Variants in CTNND2 observed in about 807,000 individuals in gnomAD.
CTNND2 encodes catenin delta 2, also known as catenin delta-2.
Under a neutral mutation model 144.4 loss-of-function variants are expected in CTNND2, and 22 were observed. The ratio of observed to expected loss-of-function variants is 0.15; its 90% confidence interval spans 0.11 to 0.22. The LOEUF (loss-of-function observed/expected upper bound fraction) is 0.22. Among genes scored for constraint, CTNND2 ranks in the 10% least tolerant of loss-of-function variants. The pLI is 1.00. For missense variants in CTNND2, 1,353 were observed against 1,618.8 expected, an observed-to-expected ratio of 0.84 and a Z score of 2.82; for synonymous variants, 751 against 695.6, an observed-to-expected ratio of 1.08 and a Z score of -1.25.
At chr5:11,789,236 T>A (rs1226993585) in intron 1 of CTNND2, among the ~76,000 whole-genome samples, 1 of 152,320 alleles carries the variant, frequency 6.6e-6, no homozygotes, top group Middle Eastern at 3.4e-3. Flanking sequence ...TCCTGGATTA[T>A]TTTGTTCACT....
At chr5:11,269,068 C>A (rs1392988854) in intron 9 of CTNND2, among the ~76,000 whole-genome samples, 1 of 152,210 alleles carries the variant, frequency 6.6e-6, no homozygotes, top group Non-Finnish European at 1.5e-5. Context: ...CTGGAGGCTA[C>A]CTGCCTTGGC....
At chr5:11,278,118 T>A (rs431325) in intron 9 of CTNND2, among the ~76,000 whole-genome samples, 46,309 of 151,788 alleles carry the variant, frequency 0.31, 7,111 homozygotes, top group Middle Eastern at 0.38. Flanking sequence ...TTATAAACTC[T>A]GTTCTCCTCG....
chr5:11,736,292 C>A (rs1313187551), intron 1 of CTNND2, among the ~76,000 whole-genome samples: 1 of 152,200 alleles, frequency 6.6e-6, no homozygotes, highest in Non-Finnish European at 1.5e-5. Flanking sequence ...CAAGTGTGAC[C>A]CACACAGTAT....
rs539450273 is a variant in CTNND2, at chr5:11,336,855, C to A, written c.1628+9517G>T. Reference sequence around the variant, plus strand: ...TCATAATCTATATGGCACAAACACACACACACACACACATAACTTTCTTTA... The same window carrying A: ...TCATAATCTATATGGCACAAACACAAACACACACACACATAACTTTCTTTA... On this transcript the variant is annotated intron_variant, in intron 9 of 21. Transcript: ENST00000304623. Among the ~76,000 whole-genome samples the A allele has an allele frequency of 9.2e-5, 14 of 152,238 alleles. No homozygotes were observed. The South Asian group carries it at 2.9e-3, about 32-fold the overall frequency.
At chr5:11,061,043 G>A (rs185412643) in intron 16 of CTNND2, among the ~76,000 whole-genome samples, 3 of 151,902 alleles carry the variant, frequency 2.0e-5, no homozygotes, top group East Asian at 3.9e-4. Flanking sequence ...GGCTTTCTAC[G>A]TGGCATGTCC....
chr5:11,128,956 A>AATATATATTATATATAATATAT (rs1755082396), intron 12 of CTNND2, among the ~76,000 whole-genome samples: 1 of 39,594 alleles, frequency 2.5e-5, no homozygotes, highest in African/African-American at 7.4e-5. Context: ...ATAATATATA[A>AATATATATTATATATAATATAT]ATATATATAA....
At chr5:11,168,807 A>G (rs927281584) in intron 11 of CTNND2, among the ~76,000 whole-genome samples, 7 of 152,128 alleles carry the variant, frequency 4.6e-5, no homozygotes, top group African/African-American at 1.7e-4. Flanking sequence ...TAGCATAATG[A>G]GGAAGAGGAG....
In CTNND2 at chr5:11,712,281, T is replaced by C. The variant is rs1160526713; in HGVS notation, c.174+19855A>G. On this transcript the variant is annotated intron_variant, in intron 2 of 21. Coordinates refer to ENST00000304623, the MANE Select transcript of CTNND2 (RefSeq NM_001332.4). ...TTCAGGGTCTCTGAGCTAACACAGA[T>C]AAATGCTTTCATTGCATTTTTTTTT... Among the ~76,000 whole-genome samples the C allele has an allele frequency of 2.7e-5, 4 of 150,536 alleles. No homozygotes were observed. The East Asian group carries it at 5.9e-4, about 22-fold the overall frequency.
chr5:11,228,914 T>A (rs73743719), intron 10 of CTNND2, among the ~76,000 whole-genome samples: 2,687 of 152,302 alleles, frequency 0.018, 61 homozygotes, highest in Admixed American at 0.048. Flanking sequence ...AAATGTTTTA[T>A]AGCAGTTAGG....
intron 11 of CTNND2, among the ~76,000 whole-genome samples, chr5:11,160,344 T>C (rs1758650376): frequency 6.6e-6 from 1 of 152,246 alleles, no homozygotes; most frequent in African/African-American, 2.4e-5. Context: ...ATGGAGGACC[T>C]ACAGAATGTT....
chr5:11,708,932 G>A (rs543643565), intron 2 of CTNND2, among the ~76,000 whole-genome samples: 1 of 152,270 alleles, frequency 6.6e-6, no homozygotes, highest in African/African-American at 2.4e-5. Context: ...CCTTGTGTCT[G>A]TCTCCTTTCA....
At chr5:11,883,663 T>C (rs765644139) in intron 1 of CTNND2, among the ~76,000 whole-genome samples, 7 of 152,208 alleles carry the variant, frequency 4.6e-5, no homozygotes, top group Non-Finnish European at 1.0e-4. Flanking sequence ...GTCTTTATAG[T>C]AGAATGATTT....
chr5:11,437,311 T>C (rs1466442620), intron 3 of CTNND2, among the ~76,000 whole-genome samples: 1 of 152,268 alleles, frequency 6.6e-6, no homozygotes, highest in East Asian at 1.9e-4. Flanking sequence ...AGGGAACAAG[T>C]AAGAGTTTGG....
intron 14 of CTNND2, among the ~76,000 whole-genome samples, chr5:11,107,415 T>C (rs1752530690): frequency 6.6e-6 from 1 of 152,204 alleles, no homozygotes; most frequent in African/African-American, 2.4e-5. Flanking sequence ...AGTCTCACTT[T>C]TGGGTCAAGA....
chr5:11,366,157 G>A (rs1756961265), intron 7 of CTNND2, among the ~76,000 whole-genome samples: 1 of 152,106 alleles, frequency 6.6e-6, no homozygotes, highest in Non-Finnish European at 1.5e-5. Flanking sequence ...TTCAAATGCT[G>A]GATGTTAGGT....
intron 3 of CTNND2, among the ~76,000 whole-genome samples, chr5:11,413,586 A>G (rs1305489366): frequency 6.6e-6 from 1 of 152,196 alleles, no homozygotes; most frequent in Non-Finnish European, 1.5e-5. Context: ...TTGTGTCAGA[A>G]TCACCTGTAG....
intron 11 of CTNND2, among the ~76,000 whole-genome samples, chr5:11,180,764 G>A (rs1760915398): frequency 6.6e-6 from 1 of 152,260 alleles, no homozygotes; most frequent in East Asian, 1.9e-4. Flanking sequence ...CAGTGAAAAT[G>A]TGATCTGGCT....
intron 2 of CTNND2, among the ~76,000 whole-genome samples, chr5:11,635,542 G>A (rs1026195509): frequency 3.9e-5 from 6 of 152,034 alleles, no homozygotes; most frequent in Non-Finnish European, 8.8e-5. Flanking sequence ...TGACTTCTAG[G>A]GCTCTTCAAA....
intron 9 of CTNND2, among the ~76,000 whole-genome samples, chr5:11,321,906 G>A (rs1752071609): frequency 6.6e-6 from 1 of 151,976 alleles, no homozygotes; most frequent in Non-Finnish European, 1.5e-5. Flanking sequence ...CACTCCTTAT[G>A]GCCATGATTC....
Sources: gnomAD v4.1 joint callset for allele counts (sites outside exome capture counted in the v4.1 genomes callset) on GRCh38, gnomAD v4.1.1 for gene constraint, MANE v1.5 for transcripts, NCBI Gene and HGNC (gene_info 2026-07-23, HGNC 2026-07-21) for gene names.